Variants in PBLD observed in about 807,000 individuals in gnomAD.
The protein encoded by PBLD is phenazine biosynthesis like protein domain containing.
Under a neutral mutation model 31.3 loss-of-function variants are expected in PBLD, and 26 were observed. That is an observed-to-expected ratio of 0.83 (90% CI 0.61 to 1.15). The LOEUF (loss-of-function observed/expected upper bound fraction) is 1.15. Among genes scored for constraint, PBLD ranks in the 50% most tolerant of loss-of-function variants. PBLD has a pLI of 0.00. For synonymous variants in PBLD, 114 were observed against 129.0 expected (o/e 0.88, Z 0.79); for missense variants, 307 against 351.7 (o/e 0.87, Z 1.02).
chr10:68,285,311 G>A, intron 9 of PBLD, 37 bp downstream of exon 9: 2 of 1,613,864 alleles, frequency 1.2e-6, no homozygotes, highest in Non-Finnish European at 8.5e-7. Context: ...CTTCGAATTA[G>A]GCAAATAAAA....
intron 1 of PBLD, among the ~76,000 whole-genome samples, chr10:68,318,997 AAGAG>A (rs1408074379): frequency 2.7e-5 from 4 of 150,218 alleles, no homozygotes; most frequent in African/African-American, 4.9e-5. Context: ...TTAGGAAAGA[AAGAG>A]AGAAAGAAAG....
At chr10:68,312,164 G>A (rs1433010110) in intron 1 of PBLD, among the ~76,000 whole-genome samples, 1 of 152,206 alleles carries the variant, frequency 6.6e-6, no homozygotes, top group African/African-American at 2.4e-5. Context: ...ACACAAGAAC[G>A]CAGATATTTC....
At chr10:68,319,055 G>GAAAGAAAGAAAGAAAGA (rs2044783101) in intron 1 of PBLD, among the ~76,000 whole-genome samples, 1 of 55,340 alleles carries the variant, frequency 1.8e-5, no homozygotes. Flanking sequence ...GAAAGAGAGA[G>GAAAGAAAGAAAGAAAGA]AAAGAAAGAA....
At chr10:68,288,279 G>T in intron 8 of PBLD, 1 of 593,352 alleles carries the variant, frequency 1.7e-6, no homozygotes, top group Non-Finnish European at 2.9e-6. Flanking sequence ...TGACACTCAG[G>T]TTTAACCCTG....
At chr10:68,332,572 A>G (rs1464873258) in intron 1 of PBLD, among the ~76,000 whole-genome samples, 1 of 151,800 alleles carries the variant, frequency 6.6e-6, no homozygotes, top group Non-Finnish European at 1.5e-5. Flanking sequence ...TTTGTTCCCC[A>G]GCTTCCGAAA....
chr10:68,331,359 G>A (rs2045077562), intron 1 of PBLD: 3 of 152,248 alleles, frequency 2.0e-5, no homozygotes, highest in Non-Finnish European at 2.9e-5. Flanking sequence ...ATGAAAACGC[G>A]AAGGCCAGAG....
At position 68,288,927 on chromosome 10, in the gene PBLD, T is replaced by C; in HGVS notation, c.512+4A>G. On this transcript the variant is annotated splice_donor_region_variant and intron_variant, in intron 7 of 9. Coordinates refer to ENST00000358769, the MANE Select transcript of PBLD (RefSeq NM_022129.4). ...CAAAGTGCTGATGCAGCCAAAAATC[T>C]TACCTGTTGTAAACGTCACTGAGGC... 6.2e-7 allele frequency: 1 copy of C among 1,613,766 alleles called. No individual in the cohort carries two copies.
At chr10:68,305,739 G>A (rs558473155) in intron 2 of PBLD, among the ~76,000 whole-genome samples, 4 of 152,156 alleles carry the variant, frequency 2.6e-5, no homozygotes, top group East Asian at 3.9e-4. Context: ...TGGGCAACAA[G>A]AGCGGAACTC....
chr10:68,285,437 C>T lies in PBLD; in HGVS notation c.692-27G>A, dbSNP rs756145847. 9 of 1,575,902 alleles carry T rather than the reference C, an allele frequency of 5.7e-6. 1 individual carries two copies. The South Asian group carries it at 9.5e-5, about 17-fold the overall frequency. On this transcript the variant is annotated intron_variant, in intron 8 of 9. Transcript: ENST00000358769. ...TCAAAAGAAGTGAAAAGTTAGGAGA[C>T]AATCCCCAAGAAAACAGAGGCGATT...
chr10:68,297,753 CGG>C (rs549301749), intron 2 of PBLD, among the ~76,000 whole-genome samples: 5 of 152,078 alleles, frequency 3.3e-5, no homozygotes, highest in Non-Finnish European at 2.9e-5. Context: ...AGAAATTAAA[CGG>C]AGAGATCATA....
At chr10:68,287,694 C>A (rs2044306119) in intron 8 of PBLD, 1 of 152,246 alleles carries the variant, frequency 6.6e-6, no homozygotes, top group Non-Finnish European at 1.5e-5. Context: ...TTTGACTCAT[C>A]CCTCTGCTCC....
intron 2 of PBLD, among the ~76,000 whole-genome samples, chr10:68,301,607 A>G (rs758033225): frequency 6.6e-6 from 1 of 152,162 alleles, no homozygotes; most frequent in Non-Finnish European, 1.5e-5. Context: ...GCAGAAACCT[A>G]AAGTGCCTGT....
At chr10:68,304,360 A>G (rs1176815025) in intron 2 of PBLD, among the ~76,000 whole-genome samples, 1 of 152,214 alleles carries the variant, frequency 6.6e-6, no homozygotes, top group African/African-American at 2.4e-5. Context: ...TCCTGGTCTC[A>G]CAGGCCCAAG....
At chr10:68,303,055 ATTATTTAT>A (rs10535286) in intron 2 of PBLD, among the ~76,000 whole-genome samples, 117,851 of 149,538 alleles carry the variant, frequency 0.79, 47,046 homozygotes, top group Non-Finnish European at 0.86. Context: ...GACACCATCA[ATTATTTAT>A]TTATTTATTT....
chr10:68,286,164 T>G lies in PBLD; in HGVS notation c.692-754A>C, dbSNP rs960701241. ...GTGCAGTGGCACAATCTCGGCTCAC[T>G]ACAACCTCTGCCTCCCGGGTTAAAG... On this transcript the variant is annotated intron_variant, in intron 8 of 9. Coordinates refer to ENST00000358769, the MANE Select transcript of PBLD (RefSeq NM_022129.4). Among the ~76,000 whole-genome samples, 81 of 136,894 alleles carry G rather than the reference T, an allele frequency of 5.9e-4. 1 individual carries two copies. Among genetic ancestry groups the G allele is most frequent in the African/African-American group, 2.0e-3 (77 of 37,810 alleles). 89.8% of individuals were successfully genotyped at this position (136,894 alleles called of 152,430 possible).
intron 1 of PBLD, among the ~76,000 whole-genome samples, chr10:68,323,263 C>G (rs2044862872): frequency 1.3e-5 from 2 of 151,526 alleles, no homozygotes; most frequent in South Asian, 2.1e-4. Context: ...TTAATTATAC[C>G]CTTATAAGAG....
At chr10:68,329,158 C>T (rs532096322) in intron 1 of PBLD, among the ~76,000 whole-genome samples, 235 of 152,298 alleles carry the variant, frequency 1.5e-3, no homozygotes, top group Non-Finnish European at 1.9e-3. Flanking sequence ...GGATTACAGG[C>T]GTGAGCCACC....
intron 1 of PBLD, among the ~76,000 whole-genome samples, chr10:68,318,736 T>G (rs1444920703): frequency 1.3e-5 from 2 of 151,988 alleles, no homozygotes; most frequent in Non-Finnish European, 2.9e-5. Flanking sequence ...AGTATGATTC[T>G]CCAGGCAACC....
intron 1 of PBLD, among the ~76,000 whole-genome samples, chr10:68,312,359 T>A (rs2044680506): frequency 6.6e-6 from 1 of 152,188 alleles, no homozygotes; most frequent in South Asian, 2.1e-4. Context: ...ATCTTGTGTT[T>A]TTTTTTATAA....
Sources: allele counts gnomAD v4.1 joint callset (sites outside exome capture counted in the v4.1 genomes callset), GRCh38; gene constraint gnomAD v4.1.1; transcripts MANE v1.5; gene names NCBI Gene and HGNC (gene_info 2026-07-23, HGNC 2026-07-21).